The following ROCK2 variants were observed in gnomAD, a reference collection of about 807,000 sequenced individuals.
The protein encoded by ROCK2 is Rho associated coiled-coil containing protein kinase 2, also known as rho-associated protein kinase 2.
ROCK2 carries 61 observed loss-of-function variants against 195.1 expected under a neutral mutation model. The observed-to-expected ratio is 0.31, with a 90% CI of 0.25 to 0.39. The LOEUF is 0.39. ROCK2 is among the 10% of genes least tolerant of loss of function. ROCK2 has a pLI of 1.00. For synonymous variants in ROCK2, 504 were observed against 545.5 expected, an observed-to-expected ratio of 0.92 and a Z score of 1.06; for missense variants, 1,109 against 1,637.4, an observed-to-expected ratio of 0.68 and a Z score of 5.57.
chr2:11,223,778 T>C (rs1314609801), intron 7 of ROCK2, among the ~76,000 whole-genome samples: 3 of 152,084 alleles, frequency 2.0e-5, no homozygotes, highest in South Asian at 2.1e-4. Flanking sequence ...AGAAATCAAA[T>C]AGTTTTCTAG....
chr2:11,307,771 A>T (rs1268797396), intron 1 of ROCK2, among the ~76,000 whole-genome samples: 2 of 152,232 alleles, frequency 1.3e-5, no homozygotes, highest in Admixed American at 1.3e-4. Flanking sequence ...GAAAATATTC[A>T]GGAAAAAAAC....
intron 1 of ROCK2, chr2:11,309,012 C>T: frequency 1.9e-6 from 3 of 1,582,688 alleles, no homozygotes; most frequent in African/African-American, 1.3e-5. Context: ...CTCTGTGTAG[C>T]GTATTCACCC....
intron 3 of ROCK2, among the ~76,000 whole-genome samples, chr2:11,262,667 G>C (rs1572328916): frequency 6.6e-6 from 1 of 152,122 alleles, no homozygotes; most frequent in African/African-American, 2.4e-5. Context: ...CTTGCCTTCT[G>C]CCATGATTGT....
chr2:11,244,844 T>C (rs2148119932), intron 4 of ROCK2, among the ~76,000 whole-genome samples: 1 of 152,290 alleles, frequency 6.6e-6, no homozygotes, highest in Admixed American at 6.5e-5. Flanking sequence ...ATGAATAGTT[T>C]ATATTTTATA....
intron 1 of ROCK2, among the ~76,000 whole-genome samples, chr2:11,318,685 C>G (rs9712182): frequency 0.73 from 111,083 of 152,050 alleles, 42,473 homozygotes; most frequent in East Asian, 0.94. Flanking sequence ...CCATGCCTAT[C>G]TCCTGAATGG....
intron 1 of ROCK2, among the ~76,000 whole-genome samples, chr2:11,293,238 G>A (rs1667415058): frequency 6.6e-6 from 1 of 152,204 alleles, no homozygotes; most frequent in Non-Finnish European, 1.5e-5. Flanking sequence ...GGACGGCTAA[G>A]TCAACTTAAT....
In ROCK2 at chr2:11,182,982, T is replaced by TTA. The variant is rs893395063; in HGVS notation, c.*453_*454dup. 1.5e-4 allele frequency: 23 copies of TTA among 152,370 alleles called. No individual in the cohort carries two copies. The highest frequency in any genetic ancestry group is 8.3e-4 in the South Asian group (4 of 4,804). 9.4% of individuals were successfully genotyped at this position (152,370 alleles called of 1,614,324 possible). A position where few individuals can be genotyped will look rare whatever the true frequency, so the allele number is the denominator to read the frequency against. On this transcript the variant is annotated 3_prime_UTR_variant, in exon 33 of 33. Transcript: ENST00000315872. ...TATATATATATATATGTGTGTGTGT[T>TTA]TATATATATATACACAGTATAATGG...
intron 23 of ROCK2, among the ~76,000 whole-genome samples, chr2:11,200,383 T>C (rs894586208): frequency 2.0e-5 from 3 of 152,184 alleles, no homozygotes; most frequent in African/African-American, 7.2e-5. Flanking sequence ...TTCCTTTCCA[T>C]ATAAAAACAC....
At chr2:11,334,766 C>T (rs1055132736) in intron 1 of ROCK2, among the ~76,000 whole-genome samples, 6 of 150,564 alleles carry the variant, frequency 4.0e-5, no homozygotes, top group Admixed American at 1.3e-4. Context: ...GAGAACACTT[C>T]GCTAATTCAT....
chr2:11,216,581 G>A (rs1401743733), intron 12 of ROCK2, among the ~76,000 whole-genome samples: 1 of 151,028 alleles, frequency 6.6e-6, no homozygotes, highest in African/African-American at 2.4e-5. Flanking sequence ...CGCAATCTCA[G>A]CTCACTGCAA....
chr2:11,339,628 C>A (rs1209124880), intron 1 of ROCK2, among the ~76,000 whole-genome samples: 1 of 150,976 alleles, frequency 6.6e-6, no homozygotes, highest in Non-Finnish European at 1.5e-5. Flanking sequence ...ATATGAATAA[C>A]CCACAATGTT....
chr2:11,228,419 T>C (rs1188705454), intron 5 of ROCK2, among the ~76,000 whole-genome samples: 1 of 152,208 alleles, frequency 6.6e-6, no homozygotes, highest in Non-Finnish European at 1.5e-5. Flanking sequence ...CTCAATGGCT[T>C]TATTTTCCCA....
At chr2:11,270,618 C>A (rs1313644685) in intron 3 of ROCK2, among the ~76,000 whole-genome samples, 3 of 152,076 alleles carry the variant, frequency 2.0e-5, no homozygotes, top group Admixed American at 2.0e-4. Flanking sequence ...ATTTTATCAA[C>A]CTTGTTCAGT....
intron 3 of ROCK2, among the ~76,000 whole-genome samples, chr2:11,266,638 C>T (rs974854232): frequency 1.2e-4 from 18 of 152,294 alleles, no homozygotes; most frequent in African/African-American, 4.3e-4. Flanking sequence ...AAAACATACT[C>T]ATAAAGATGT....
At chr2:11,291,161 A>C (rs1667351098) in intron 1 of ROCK2, among the ~76,000 whole-genome samples, 1 of 152,236 alleles carries the variant, frequency 6.6e-6, no homozygotes, top group Non-Finnish European at 1.5e-5. Context: ...CTATTTTTCT[A>C]ACTTTTCCTG....
intron 1 of ROCK2, among the ~76,000 whole-genome samples, chr2:11,320,898 C>T (rs1463102965): frequency 6.6e-6 from 1 of 152,094 alleles, no homozygotes; most frequent in Non-Finnish European, 1.5e-5. Context: ...GAACAGAGTA[C>T]CAGAGAGGAG....
chr2:11,247,194 G>T (rs893977910), intron 4 of ROCK2, among the ~76,000 whole-genome samples: 23 of 152,010 alleles, frequency 1.5e-4, no homozygotes, highest in Non-Finnish European at 3.1e-4. Context: ...CAGTTGGCAG[G>T]GGCAGGGGGG....
At position 11,201,429 on chromosome 2, in the gene ROCK2, C is replaced by A. The variant is rs562731947; in HGVS notation, c.2620-16G>T. The A allele has an allele frequency of 1.5e-6, 2 of 1,295,090 alleles. No individual in the cohort carries two copies. Among genetic ancestry groups the A allele is most frequent in the East Asian group, 2.3e-5 (1 of 43,342 alleles). 80.2% of individuals were successfully genotyped at this position (1,295,090 alleles called of 1,614,324 possible). A position where few individuals can be genotyped will look rare whatever the true frequency, so the allele number is the denominator to read the frequency against. The stretch of plus-strand genomic sequence containing the variant: ...TATAAAGGGTCTAAATAGCAAAATA[C>A]AACAGAAATGCGTATCATCATCAGA... On this transcript the variant is annotated splice_polypyrimidine_tract_variant and intron_variant, in intron 21 of 32. Coordinates refer to ENST00000315872, the MANE Select transcript of ROCK2 (RefSeq NM_004850.5). This position sits in a 1 kb window ranked among gnomAD's most constrained non-coding sequence, Gnocchi z 4.6.
At chr2:11,279,565 T>G (rs1217454489) in intron 3 of ROCK2, among the ~76,000 whole-genome samples, 2 of 152,136 alleles carry the variant, frequency 1.3e-5, no homozygotes, top group Non-Finnish European at 2.9e-5. Context: ...AAGAAAGAGA[T>G]AAATTCACTA....
Sources: allele counts gnomAD v4.1 joint callset (sites outside exome capture counted in the v4.1 genomes callset), GRCh38; gene constraint gnomAD v4.1.1; non-coding constraint Gnocchi (gnomAD v3.1); transcripts MANE v1.5; gene names NCBI Gene and HGNC (gene_info 2026-07-23, HGNC 2026-07-21).